The following SPINDOC variants were observed in gnomAD, a reference collection of about 807,000 sequenced individuals.
SPINDOC encodes the protein spindlin interactor and repressor of chromatin binding, also known as spindlin interactor and repressor of chromatin-binding protein.
In SPINDOC, 13 loss-of-function variants were observed where a neutral mutation model predicts 30.7. The observed-to-expected ratio is 0.42, with a 90% confidence interval of 0.28 to 0.67. The LOEUF (loss-of-function observed/expected upper bound fraction) is 0.67. SPINDOC is among the 30% of genes least tolerant of loss of function. SPINDOC has a pLI of 0.22. For missense variants in SPINDOC, 438 were observed against 518.0 expected, an observed-to-expected ratio of 0.85 and a Z score of 1.50; for synonymous variants, 228 against 211.4, an observed-to-expected ratio of 1.08 and a Z score of -0.68.
At chr11:63,814,277 G>A (rs1479275443) in intron 1 of SPINDOC, among the ~76,000 whole-genome samples, 2 of 152,244 alleles carry the variant, frequency 1.3e-5, no homozygotes, top group Admixed American at 6.5e-5. Flanking sequence ...CGACCTCCAG[G>A]AGAATTTTAA....
chr11:63,827,396 T>G lies in SPINDOC; in HGVS notation c.*257T>G. ...CTGTGGAGAACACCTACCCCAGTCC[T>G]TCGCTGACCCCCACCTCTGTTTGTC... On this transcript the variant is annotated 3_prime_UTR_variant, in exon 6 of 6. Transcript: ENST00000294244. 1 of 572,222 alleles carries G rather than the reference T, an allele frequency of 1.7e-6. No homozygotes were observed. Among genetic ancestry groups the G allele is most frequent in the South Asian group, 2.0e-5 (1 of 50,256 alleles). 35.4% of individuals were successfully genotyped at this position (572,222 alleles called of 1,614,324 possible).
intron 5 of SPINDOC, among the ~76,000 whole-genome samples, chr11:63,822,299 G>A (rs1489858315): frequency 7.3e-6 from 1 of 137,384 alleles, no homozygotes; most frequent in Admixed American, 7.9e-5. Context: ...AATTCTGATT[G>A]TACTCCAATC....
intron 5 of SPINDOC, chr11:63,823,212 C>A (rs935770856): frequency 7.8e-7 from 1 of 1,288,848 alleles, no homozygotes; most frequent in African/African-American, 1.5e-5. Context: ...AGGCTCTGGA[C>A]CTGTGGTTTC....
rs142751498 is a variant in SPINDOC, at chr11:63,824,102, G to A, written c.935-2826G>A. On this transcript the variant is annotated intron_variant, in intron 5 of 5. Coordinates refer to ENST00000294244, the MANE Select transcript of SPINDOC (RefSeq NM_138471.3). ...TTTTTGTATTATTAGTAGAGATGGC[G>A]TCTCACCCTATTGGCCAGGCTAGTC... Among the ~76,000 whole-genome samples, 422 of 151,650 alleles carry A rather than the reference G, an allele frequency of 2.8e-3. 2 individuals are homozygous for A. Among genetic ancestry groups the A allele is most frequent in the African/African-American group, 1.0e-2 (413 of 41,312 alleles).
Position 63,818,642 on chromosome 11 carries a change from C to T in SPINDOC, c.723C>T (p.Asp241=), listed in dbSNP as rs1343788442. 4 of 1,613,766 alleles carry T rather than the reference C, an allele frequency of 2.5e-6. No individual in the cohort carries two copies. The highest frequency in any genetic ancestry group is 3.4e-6 in the Non-Finnish European group (4 of 1,180,004). The change falls in exon 4 of 6, where the codon GAC becomes GAT. Residue 241 remains aspartate, a synonymous_variant. Transcript: ENST00000294244. The surrounding 1 kb of genome is among the most constrained non-coding windows in gnomAD (Gnocchi z 5.3). ...KRGRPMTKNL[D]PDPEPPSPDS... Reference sequence around the variant, plus strand: ...GCAGACCTATGACCAAAAACCTGGACCCTGACCCAGGTGAAGGGGAGGCCC... The same window carrying T: ...GCAGACCTATGACCAAAAACCTGGATCCTGACCCAGGTGAAGGGGAGGCCC...
chr11:63,816,474 C>T (rs1411717937), intron 1 of SPINDOC, among the ~76,000 whole-genome samples: 1 of 151,984 alleles, frequency 6.6e-6, no homozygotes, highest in Admixed American at 6.6e-5. Context: ...CATTTCTGCC[C>T]ATGGTCGCAT....
chr11:63,813,540 G>A lies in SPINDOC; in HGVS notation c.-147G>A, dbSNP rs2015249864. On this transcript the variant is annotated 5_prime_UTR_variant, in exon 1 of 6. Transcript: ENST00000294244. Reference sequence around the variant, plus strand: ...CGCCGGTCGCAGGCCCGGCCGGCGAGCGGCGGGCGGGCGGCGGGGAGGGGG... The same window carrying A: ...CGCCGGTCGCAGGCCCGGCCGGCGAACGGCGGGCGGGCGGCGGGGAGGGGG... 1 of 623,054 alleles carries A rather than the reference G, an allele frequency of 1.6e-6. No individual in the cohort carries two copies. Among genetic ancestry groups the A allele is most frequent in the Non-Finnish European group, 2.0e-6 (1 of 501,178 alleles). 38.6% of individuals were successfully genotyped at this position (623,054 alleles called of 1,614,324 possible). A position where few individuals can be genotyped will look rare whatever the true frequency, so the allele number is the denominator to read the frequency against.
intron 5 of SPINDOC, among the ~76,000 whole-genome samples, chr11:63,826,308 T>C (rs995236183): frequency 6.6e-6 from 1 of 152,146 alleles, no homozygotes; most frequent in African/African-American, 2.4e-5. Flanking sequence ...GCCACGGCAG[T>C]CCTCAGTCCT....
Position 63,818,648 on chromosome 11 carries a change from C to T in SPINDOC, c.729C>T (p.Asp243=). The T allele has an allele frequency of 6.2e-7, 1 of 1,613,694 alleles. No homozygotes were observed. Among genetic ancestry groups the T allele is most frequent in the Non-Finnish European group, 8.5e-7 (1 of 1,180,000 alleles). ...CTATGACCAAAAACCTGGACCCTGA[C>T]CCAGGTGAAGGGGAGGCCCGGGGGA... is the stretch of plus-strand genomic sequence containing the variant. ...GRPMTKNLDP[D]PEPPSPDSPT... The change falls in exon 4 of 6, where the codon GAC becomes GAT. Residue 243 remains aspartate, a synonymous_variant. Transcript: ENST00000294244. The surrounding 1 kb of genome is among the most constrained non-coding windows in gnomAD (Gnocchi z 5.3).
chr11:63,814,992 A>G (rs2015301446), intron 1 of SPINDOC, among the ~76,000 whole-genome samples: 1 of 137,734 alleles, frequency 7.3e-6, no homozygotes, highest in African/African-American at 3.4e-5. Flanking sequence ...TAGTGTTTTT[A>G]GGCTGGGAAG....
chr11:63,826,883 G>A (rs1476070201), intron 5 of SPINDOC, 45 bp from the exon 6 acceptor site: 2 of 950,632 alleles, frequency 2.1e-6, no homozygotes, highest in Non-Finnish European at 3.4e-6. Context: ...TCGTGGTGGG[G>A]TGTCTGGGGG....
intron 5 of SPINDOC, among the ~76,000 whole-genome samples, chr11:63,822,430 A>T (rs1167696183): frequency 6.7e-6 from 1 of 149,884 alleles, no homozygotes; most frequent in Non-Finnish European, 1.5e-5. Flanking sequence ...GTCACACTCC[A>T]CTCACCCCTC....
At chr11:63,824,611 CAT>C (rs10532500) in intron 5 of SPINDOC, among the ~76,000 whole-genome samples, 65,512 of 151,534 alleles carry the variant, frequency 0.43, 16,577 homozygotes, top group East Asian at 0.7. Context: ...CTTTCAATGA[CAT>C]GTGTGTGCTC....
chr11:63,817,185 A>C (rs1482809906), intron 1 of SPINDOC, among the ~76,000 whole-genome samples: 1 of 147,724 alleles, frequency 6.8e-6, no homozygotes, highest in South Asian at 2.2e-4. Flanking sequence ...CCATCTTTTA[A>C]AAAAAAAATT....
intron 5 of SPINDOC, chr11:63,823,282 C>T (rs1390451262): frequency 1.6e-6 from 2 of 1,265,252 alleles, no homozygotes; most frequent in African/African-American, 1.6e-5. Flanking sequence ...AGGCTTCGAC[C>T]AAAATGTCTC....
chr11:63,815,630 G>A (rs1200574252), intron 1 of SPINDOC, among the ~76,000 whole-genome samples: 1 of 152,160 alleles, frequency 6.6e-6, no homozygotes, highest in Non-Finnish European at 1.5e-5. Context: ...ACTGAGTCCT[G>A]GGAAACTCCA....
In SPINDOC at chr11:63,818,637, C is replaced by G. The variant is rs751668496; in HGVS notation, c.718C>G (p.Leu240Val). The G allele has an allele frequency of 1.2e-6, 2 of 1,613,786 alleles. No homozygotes were observed. Among genetic ancestry groups the G allele is most frequent in the African/African-American group, 1.3e-5 (1 of 75,044 alleles). The change falls in exon 4 of 6, where the codon CTG becomes GTG. Residue 240 changes from leucine (L) to valine (V), a missense_variant. By Grantham distance (32) the Leu-to-Val change is conservative. This residue lies in a region of SPINDOC where 300 missense variants were observed against 332.8 expected (regional missense o/e 0.90). Coordinates refer to ENST00000294244, the MANE Select transcript of SPINDOC (RefSeq NM_138471.3). The surrounding 1 kb of genome is among the most constrained non-coding windows in gnomAD (Gnocchi z 5.3). ...KKRGRPMTKN[L>V]DPDPEPPSPD... The stretch of plus-strand genomic sequence containing the variant: ...AAGAGGCAGACCTATGACCAAAAAC[C>G]TGGACCCTGACCCAGGTGAAGGGGA...
In SPINDOC at chr11:63,818,798, C is replaced by T; in HGVS notation, c.734-4C>T. ...TCACAGTTCCATCCCGTCCTCCCTT[C>T]CAGAGCCCCCATCGCCAGACTCGCC... is the stretch of plus-strand genomic sequence containing the variant. On this transcript the variant is annotated splice_polypyrimidine_tract_variant and splice_region_variant and intron_variant, in intron 4 of 5. Coordinates refer to ENST00000294244, the MANE Select transcript of SPINDOC (RefSeq NM_138471.3). The surrounding 1 kb of genome is among the most constrained non-coding windows in gnomAD (Gnocchi z 5.3). The T allele has an allele frequency of 6.2e-7, 1 of 1,613,694 alleles. No individual in the cohort carries two copies. The highest frequency in any genetic ancestry group is 1.6e-4 in the Middle Eastern group (1 of 6,062).
chr11:63,826,798 C>T, intron 5 of SPINDOC, 130 bp from the exon 6 acceptor site: 1 of 626,726 alleles, frequency 1.6e-6, no homozygotes, highest in Non-Finnish European at 2.9e-6. Flanking sequence ...TCCCCTCATG[C>T]CAGGCACTGG....
Sources: allele counts gnomAD v4.1 joint callset (sites outside exome capture counted in the v4.1 genomes callset), GRCh38; gene constraint gnomAD v4.1.1; regional missense constraint gnomAD v4.1.1; non-coding constraint Gnocchi (gnomAD v3.1); transcripts MANE v1.5; gene names NCBI Gene and HGNC (gene_info 2026-07-23, HGNC 2026-07-21).